Variants in CACNA2D3 observed in about 807,000 individuals in gnomAD.
CACNA2D3 encodes voltage-dependent calcium channel subunit alpha-2/delta-3.
Under a neutral mutation model 160.6 loss-of-function variants are expected in CACNA2D3, and 60 were observed. The observed-to-expected ratio is 0.37, with a 90% CI of 0.30 to 0.46. The LOEUF (loss-of-function observed/expected upper bound fraction) is 0.46, where lower values mean the gene tolerates loss of function less well. Ranked by LOEUF, CACNA2D3 falls within the 20% of genes least tolerant of loss-of-function variation. CACNA2D3 has a pLI of 1.00. For synonymous variants in CACNA2D3, 558 were observed against 492.9 expected, an observed-to-expected ratio of 1.13 and a Z score of -1.75; for missense variants, 1,205 against 1,365.0, an observed-to-expected ratio of 0.88 and a Z score of 1.85.
intron 5 of CACNA2D3, among the ~76,000 whole-genome samples, chr3:54,523,547 G>A (rs552379801): frequency 3.9e-5 from 6 of 152,216 alleles, no homozygotes; most frequent in Admixed American, 2.0e-4. Flanking sequence ...CTCATAGAAC[G>A]TATTGGGAAT....
chr3:54,792,688 C>T (rs114651998), intron 13 of CACNA2D3, among the ~76,000 whole-genome samples: 2,404 of 152,154 alleles, frequency 0.016, 55 homozygotes, highest in African/African-American at 0.054. Flanking sequence ...GAAAGAAATC[C>T]GTTTCCTCAT....
intron 4 of CACNA2D3, among the ~76,000 whole-genome samples, chr3:54,430,945 A>G (rs768871061): frequency 1.3e-5 from 2 of 152,198 alleles, no homozygotes; most frequent in African/African-American, 2.4e-5. Context: ...AGCCTTACCA[A>G]TAAACATAAA....
At position 54,916,961 on chromosome 3, in the gene CACNA2D3, T is replaced by C. The variant is rs1700677584; in HGVS notation, c.2449+17093T>C. 3.9e-5 allele frequency among the ~76,000 whole-genome samples: 6 copies of C among 152,318 alleles called. No homozygotes were observed. In the South Asian group the frequency reaches 1.2e-3, roughly 32 times the overall value. Reference sequence around the variant, plus strand: ...AGCTAGGAAGAGTGCTGAGATTGATTAGCAATGTCTGTCATGGCCTCTGGA... The same window carrying C: ...AGCTAGGAAGAGTGCTGAGATTGATCAGCAATGTCTGTCATGGCCTCTGGA... On this transcript the variant is annotated intron_variant, in intron 27 of 37. Transcript: ENST00000474759.
At chr3:54,401,671 A>T (rs1049822450) in intron 4 of CACNA2D3, among the ~76,000 whole-genome samples, 8 of 152,328 alleles carry the variant, frequency 5.3e-5, no homozygotes, top group African/African-American at 1.9e-4. Context: ...TCAGGAATAA[A>T]GGAGAAACAA....
chr3:54,218,476 A>G (rs62252196), intron 2 of CACNA2D3, among the ~76,000 whole-genome samples: 5,232 of 152,332 alleles, frequency 0.034, 112 homozygotes, highest in Middle Eastern at 0.088. Context: ...TGCAGGTCCA[A>G]TTTGACCCTA....
At chr3:54,485,468 C>T (rs1394928328) in intron 4 of CACNA2D3, among the ~76,000 whole-genome samples, 2 of 152,108 alleles carry the variant, frequency 1.3e-5, no homozygotes, top group Non-Finnish European at 2.9e-5. Context: ...TGAGTGTGAG[C>T]CGTCTAGCAA....
At chr3:54,859,529 T>C (rs112305106) in intron 17 of CACNA2D3, among the ~76,000 whole-genome samples, 3,744 of 152,288 alleles carry the variant, frequency 0.025, 87 homozygotes, top group Non-Finnish European at 0.037. Flanking sequence ...TCAGCCTCAC[T>C]TGTCCCTCTC....
At chr3:54,204,686 C>A (rs1576997160) in intron 2 of CACNA2D3, among the ~76,000 whole-genome samples, 1 of 149,956 alleles carries the variant, frequency 6.7e-6, no homozygotes, top group East Asian at 2.0e-4. Flanking sequence ...ATCCCAGCTA[C>A]TTGGGAGGCT....
chr3:54,751,045 C>T (rs1289251240), intron 11 of CACNA2D3, among the ~76,000 whole-genome samples: 6 of 152,082 alleles, frequency 3.9e-5, no homozygotes, highest in African/African-American at 1.4e-4. Context: ...ACTGGGAGTA[C>T]AGGTGTGAGC....
intron 8 of CACNA2D3, among the ~76,000 whole-genome samples, chr3:54,577,621 C>T (rs762238869): frequency 6.9e-6 from 1 of 145,806 alleles, no homozygotes; most frequent in Non-Finnish European, 1.5e-5. Context: ...ACACATCACA[C>T]TCACATATAT....
At chr3:54,350,992 T>TTTTTTTTTTTTG (rs1698552138) in intron 3 of CACNA2D3, among the ~76,000 whole-genome samples, 1 of 110,978 alleles carries the variant, frequency 9.0e-6, no homozygotes, top group African/African-American at 3.2e-5. Flanking sequence ...GTTTGTTTTT[T>TTTTTTTTTTTTG]TTTTTTTTTT....
intron 5 of CACNA2D3, among the ~76,000 whole-genome samples, chr3:54,541,278 G>GAAAAA (rs141900915): frequency 2.7e-3 from 217 of 81,664 alleles, no homozygotes; most frequent in African/African-American, 5.9e-3. Flanking sequence ...CTCCGTCTCA[G>GAAAAA]AAAAAAAAAA....
At chr3:54,471,918 G>A (rs1359100995) in intron 4 of CACNA2D3, among the ~76,000 whole-genome samples, 1 of 151,276 alleles carries the variant, frequency 6.6e-6, no homozygotes, top group Non-Finnish European at 1.5e-5. Flanking sequence ...GACTACCAAC[G>A]AAAAAAAGTC....
intron 2 of CACNA2D3, among the ~76,000 whole-genome samples, chr3:54,258,705 G>GT (rs112599910): frequency 0.053 from 8,051 of 152,232 alleles, 702 homozygotes; most frequent in African/African-American, 0.18. Context: ...AGCTGAGAAT[G>GT]TTGGGGATAG....
chr3:54,394,330 T>TTTA (rs1164928806), intron 4 of CACNA2D3, among the ~76,000 whole-genome samples: 6 of 151,290 alleles, frequency 4.0e-5, no homozygotes, highest in South Asian at 2.1e-4. Flanking sequence ...TTTTTTTTTT[T>TTTA]TTATTATTAT....
chr3:54,709,394 C>T (rs1171728607), intron 11 of CACNA2D3, among the ~76,000 whole-genome samples: 5 of 151,510 alleles, frequency 3.3e-5, no homozygotes, highest in Admixed American at 6.6e-5. Flanking sequence ...GAGGGTCTCC[C>T]TCTGTTGCCC....
intron 2 of CACNA2D3, among the ~76,000 whole-genome samples, chr3:54,248,076 C>A (rs376799729): frequency 1.4e-4 from 22 of 152,178 alleles, no homozygotes; most frequent in African/African-American, 5.1e-4. Flanking sequence ...TCAGTTGTGT[C>A]CTCCCACCTC....
At chr3:54,505,857 G>T (rs1211531913) in intron 5 of CACNA2D3, among the ~76,000 whole-genome samples, 5 of 152,186 alleles carry the variant, frequency 3.3e-5, no homozygotes, top group South Asian at 4.1e-4. Context: ...CACCACCACT[G>T]ATCACCCAGG....
intron 13 of CACNA2D3, among the ~76,000 whole-genome samples, chr3:54,800,603 C>T (rs1413271036): frequency 6.6e-6 from 1 of 152,156 alleles, no homozygotes; most frequent in Non-Finnish European, 1.5e-5. Context: ...CACTGATACT[C>T]CTTAGCTATA....
Sources: gnomAD v4.1 joint callset for allele counts (sites outside exome capture counted in the v4.1 genomes callset) on GRCh38, gnomAD v4.1.1 for gene constraint, MANE v1.5 for transcripts, NCBI Gene and HGNC (gene_info 2026-07-23, HGNC 2026-07-21) for gene names.